Variants in ZNF138 observed in about 807,000 individuals in gnomAD.
ZNF138 encodes zinc finger protein 138.
In ZNF138, 33 loss-of-function variants were observed where a neutral mutation model predicts 33.0. That is an observed-to-expected ratio of 1.00 (90% confidence interval 0.76 to 1.34). The LOEUF (loss-of-function observed/expected upper bound fraction) is 1.34. Ranked by LOEUF, ZNF138 falls within the 40% of genes most tolerant of loss-of-function variation. The pLI is 0.00. For synonymous variants in ZNF138, 139 were observed against 120.4 expected, an observed-to-expected ratio of 1.15 and a Z score of -1.01; for missense variants, 360 against 370.8, an observed-to-expected ratio of 0.97 and a Z score of 0.24.
At chr7:64,825,543 CTTT>C (rs112905168) in intron 3 of ZNF138, among the ~76,000 whole-genome samples, 2 of 132,526 alleles carry the variant, frequency 1.5e-5, no homozygotes, top group Non-Finnish European at 1.6e-5. Flanking sequence ...TATTTATTAA[CTTT>C]TTTTTTTTTT....
At chr7:64,799,103 A>G (rs1369214846) in intron 1 of ZNF138, among the ~76,000 whole-genome samples, 1 of 152,162 alleles carries the variant, frequency 6.6e-6, no homozygotes, top group East Asian at 1.9e-4. Flanking sequence ...GTAGCTTGAT[A>G]AGAATGACAT....
the ZNF138 span, among the ~76,000 whole-genome samples, chr7:64,848,885 T>C: frequency 0.031 from 4,690 of 152,048 alleles, 104 homozygotes; most frequent in Middle Eastern, 0.082. Context: ...TTTGTATTTT[T>C]AATAGAGACA....
At chr7:64,834,888 TAC>T (rs145746939), downstream of ZNF138, among the ~76,000 whole-genome samples, 940 of 152,298 alleles carry the variant, frequency 6.2e-3, 13 homozygotes, top group African/African-American at 0.02. Flanking sequence ...TAAAATGCAG[TAC>T]AGTTTGAAAG....
intron 1 of ZNF138, among the ~76,000 whole-genome samples, chr7:64,807,773 C>T (rs1156274213): frequency 6.6e-6 from 1 of 152,140 alleles, no homozygotes; most frequent in Non-Finnish European, 1.5e-5. Context: ...AGATCTTGTT[C>T]AGTGATCTGC....
At chr7:64,834,238 A>G (rs1342195406), downstream of ZNF138, among the ~76,000 whole-genome samples, 3 of 152,180 alleles carry the variant, frequency 2.0e-5, no homozygotes, top group African/African-American at 4.8e-5. Flanking sequence ...TTCAAAAACT[A>G]CATCTTAGAA....
In ZNF138 at chr7:64,832,625, C is replaced by T; in HGVS notation, c.*423C>T. On this transcript the variant is annotated 3_prime_UTR_variant, in exon 4 of 4. Transcript: ENST00000307355. The stretch of plus-strand genomic sequence containing the variant: ...GCAAAGCTTTTAACCAGTCCTCACA[C>T]CTTATGAGACATAAGAAAATTCATA... The T allele has an allele frequency of 2.1e-6, 1 of 476,548 alleles. No individual in the cohort carries two copies. The highest frequency in any genetic ancestry group is 2.6e-5 in the Admixed American group (1 of 39,170). The allele number at this position is 476,548 out of a possible 1,614,324, so 29.5% of individuals were successfully genotyped here.
At chr7:64,817,707 A>G (rs1223215632) in intron 3 of ZNF138, among the ~76,000 whole-genome samples, 1 of 152,178 alleles carries the variant, frequency 6.6e-6, no homozygotes, top group African/African-American at 2.4e-5. Flanking sequence ...GCATAAAAAA[A>G]TAGGGCATCT....
At chr7:64,829,182 G>C (rs1403116565) in intron 3 of ZNF138, among the ~76,000 whole-genome samples, 1 of 152,062 alleles carries the variant, frequency 6.6e-6, no homozygotes, top group Non-Finnish European at 1.5e-5. Flanking sequence ...CATTAATGTT[G>C]TTAGGAGTAT....
the ZNF138 span, among the ~76,000 whole-genome samples, chr7:64,854,882 A>G: frequency 3.5e-4 from 54 of 152,236 alleles, no homozygotes; most frequent in Non-Finnish European, 5.4e-4. Flanking sequence ...CATACTATAT[A>G]CATACATTGC....
chr7:64,796,195 C>CA (rs1786674577), intron 1 of ZNF138, among the ~76,000 whole-genome samples: 1 of 152,152 alleles, frequency 6.6e-6, no homozygotes. Context: ...TCCAAAAAGA[C>CA]AAATCAAACC....
chr7:64,802,852 C>A (rs75071977), intron 1 of ZNF138, among the ~76,000 whole-genome samples: 1 of 152,086 alleles, frequency 6.6e-6, no homozygotes, highest in South Asian at 2.1e-4. Flanking sequence ...ACAGTCACCC[C>A]CCTGCCCAAC....
chr7:64,815,702 A>G, intron 3 of ZNF138, 49 bp downstream of exon 3: 1 of 1,521,654 alleles, frequency 6.6e-7, no homozygotes, highest in Non-Finnish European at 9.0e-7. Flanking sequence ...GTCAAAGGCC[A>G]AGGAGAAGAC....
At chr7:64,818,616 G>A (rs1351720485) in intron 3 of ZNF138, among the ~76,000 whole-genome samples, 3 of 151,982 alleles carry the variant, frequency 2.0e-5, no homozygotes, top group African/African-American at 7.2e-5. Context: ...TGCGCATGGT[G>A]TCGCATGCCT....
At position 64,797,424 on chromosome 7, in the gene ZNF138, A is replaced by C. The variant is rs535474607; in HGVS notation, c.3+2853A>C. ...TTTGAGTAATTTTGCTGAATTTTTCAGTTTAAAAAACCATTTGAACAACTC... is the reference window on the plus strand; with the variant it reads ...TTTGAGTAATTTTGCTGAATTTTTCCGTTTAAAAAACCATTTGAACAACTC... On this transcript the variant is annotated intron_variant, in intron 1 of 3. Transcript: ENST00000307355. Among the ~76,000 whole-genome samples, 147 of 152,312 alleles carry C rather than the reference A, an allele frequency of 9.7e-4. 1 individual carries two copies. Among genetic ancestry groups the C allele is most frequent in the African/African-American group, 2.9e-3 (121 of 41,568 alleles).
the ZNF138 span, among the ~76,000 whole-genome samples, chr7:64,857,658 T>TAAAAA: frequency 5.1e-3 from 1 of 196 alleles, no homozygotes; most frequent in African/African-American, 5.2e-3. Flanking sequence ...AAAAATAAAT[T>TAAAAA]TAAAAAAAAA....
At chr7:64,804,400 TA>T (rs1175598904) in intron 1 of ZNF138, among the ~76,000 whole-genome samples, 2 of 152,140 alleles carry the variant, frequency 1.3e-5, no homozygotes, top group Non-Finnish European at 2.9e-5. Flanking sequence ...TGTGAGCCCT[TA>T]AAAGGGACAG....
At chr7:64,803,796 AGT>A (rs1450022691) in intron 1 of ZNF138, among the ~76,000 whole-genome samples, 3 of 123,582 alleles carry the variant, frequency 2.4e-5, no homozygotes, top group Non-Finnish European at 5.8e-5. Flanking sequence ...AATTATACTA[AGT>A]GTATCTAATC....
the ZNF138 span, chr7:64,853,063 T>C: frequency 6.9e-7 from 1 of 1,453,394 alleles, no homozygotes; most frequent in Non-Finnish European, 9.7e-7. Context: ...CTATCCTGCC[T>C]GTCACGTAAG....
At chr7:64,818,530 T>C (rs1306136344) in intron 3 of ZNF138, among the ~76,000 whole-genome samples, 2 of 151,910 alleles carry the variant, frequency 1.3e-5, no homozygotes, top group African/African-American at 4.8e-5. Flanking sequence ...GGTGGGCAGA[T>C]CACGAGGCCA....
Sources: allele counts gnomAD v4.1 joint callset (sites outside exome capture counted in the v4.1 genomes callset), GRCh38; gene constraint gnomAD v4.1.1; transcripts MANE v1.5; gene names NCBI Gene and HGNC (gene_info 2026-07-23, HGNC 2026-07-21).